CLEC2A: variants seen among roughly 807,000 people sequenced by gnomAD.
CLEC2A encodes keratinocyte-associated C-type lectin.
CLEC2A carries 19 observed loss-of-function variants against 18.6 expected under a neutral mutation model. That is an observed-to-expected ratio of 1.02 (90% CI 0.71 to 1.50). CLEC2A has a LOEUF of 1.50. CLEC2A is among the 40% of genes most tolerant of loss of function. The pLI is 0.00. For synonymous variants in CLEC2A, 74 were observed against 64.0 expected (o/e 1.16, Z -0.75); for missense variants, 190 against 207.9 (o/e 0.91, Z 0.53).
chr12:9,897,760 G>T (rs551579457), downstream of CLEC2A, among the ~76,000 whole-genome samples: 4 of 152,124 alleles, frequency 2.6e-5, no homozygotes, highest in East Asian at 7.7e-4. Flanking sequence ...CAAGGCCTTG[G>T]GTAGTTTCCC....
chr12:9,893,312 A>G, the CLEC2A span: 1 of 841,864 alleles, frequency 1.2e-6, no homozygotes. Flanking sequence ...CATGAAAAAA[A>G]TGCTAATGTA....
chr12:9,898,897 C>G (rs1030045201), exon 5 of CLEC2A: 1 of 714,442 alleles, frequency 1.4e-6, no homozygotes, highest in African/African-American at 1.7e-5. Context: ...AGAGCTCCCT[C>G]AGAGGCCTAT....
At chr12:9,889,761 G>A in the CLEC2A span, among the ~76,000 whole-genome samples, 3,364 of 151,890 alleles carry the variant, frequency 0.022, 121 homozygotes, top group African/African-American at 0.077. Flanking sequence ...ATACAGTGTG[G>A]AGGCAGTATA....
At chr12:9,898,525 G>A, downstream of CLEC2A, 1 of 169,012 alleles carries the variant, frequency 5.9e-6, no homozygotes, top group Non-Finnish European at 1.3e-5. Context: ...TTCTTTCCTG[G>A]CAAAACTCAT....
intron 4 of CLEC2A, among the ~76,000 whole-genome samples, chr12:9,915,325 C>T (rs1863054051): frequency 6.6e-6 from 1 of 151,838 alleles, no homozygotes; most frequent in African/African-American, 2.4e-5. Flanking sequence ...CCAGAAATAC[C>T]ATTTAACCCA....
the CLEC2A span, chr12:9,881,624 TGA>T: frequency 2.5e-4 from 381 of 1,535,476 alleles, no homozygotes; most frequent in East Asian, 7.5e-3. Flanking sequence ...TATATGACGC[TGA>T]GTTTCAAGAA....
chr12:9,898,704 TC>T (rs1862785488), exon 5 of CLEC2A: 2 of 481,820 alleles, frequency 4.2e-6, no homozygotes, highest in South Asian at 9.1e-5. Context: ...TTCTACATTA[TC>T]AAAATTTATA....
At chr12:9,889,832 G>T in the CLEC2A span, among the ~76,000 whole-genome samples, 1 of 151,964 alleles carries the variant, frequency 6.6e-6, no homozygotes, top group Non-Finnish European at 1.5e-5. Context: ...TTTCAGTTCT[G>T]ATATTTATAT....
chr12:9,912,991 T>C (rs1353293745), downstream of CLEC2A, among the ~76,000 whole-genome samples: 1 of 152,222 alleles, frequency 6.6e-6, no homozygotes, highest in Non-Finnish European at 1.5e-5. Flanking sequence ...ACTGCACTAA[T>C]GCAACAAGGC....
chr12:9,882,127 A>G, the CLEC2A span, among the ~76,000 whole-genome samples: 2 of 152,170 alleles, frequency 1.3e-5, no homozygotes, highest in African/African-American at 4.8e-5. Context: ...ACAAAAAAAC[A>G]TTAATCTTTG....
the CLEC2A span, chr12:9,893,263 T>G: frequency 8.4e-7 from 1 of 1,194,050 alleles, no homozygotes; most frequent in South Asian, 1.6e-5. Context: ...TTGTCGTTGC[T>G]TCTGAACATG....
chr12:9,910,722 G>A (rs191532088), downstream of CLEC2A, among the ~76,000 whole-genome samples: 27 of 148,726 alleles, frequency 1.8e-4, no homozygotes, highest in African/African-American at 4.7e-4. Flanking sequence ...CCTGGTTGCC[G>A]TGGTAGGTAG....
At chr12:9,908,045 A>G (rs1862929437) in intron 4 of CLEC2A, among the ~76,000 whole-genome samples, 2 of 152,202 alleles carry the variant, frequency 1.3e-5, no homozygotes. Flanking sequence ...TTGGGGTGTT[A>G]AAAGAGGACA....
intron 4 of CLEC2A, among the ~76,000 whole-genome samples, chr12:9,914,560 C>A (rs1273957518): frequency 6.6e-6 from 1 of 152,144 alleles, no homozygotes; most frequent in African/African-American, 2.4e-5. Context: ...AATAATGCCA[C>A]ACATCTACAA....
intron 4 of CLEC2A, among the ~76,000 whole-genome samples, chr12:9,901,313 A>G (rs943816118): frequency 3.9e-5 from 6 of 152,200 alleles, no homozygotes; most frequent in African/African-American, 1.4e-4. Flanking sequence ...ACCATCTTTG[A>G]AAAGGATTAA....
intron 1 of CLEC2A, among the ~76,000 whole-genome samples, chr12:9,931,603 G>T (rs1863376916): frequency 6.6e-6 from 1 of 152,134 alleles, no homozygotes; most frequent in African/African-American, 2.4e-5. Flanking sequence ...TATCCCAATT[G>T]CCCTGGGAAT....
the CLEC2A span, among the ~76,000 whole-genome samples, chr12:9,878,981 G>A: frequency 3.9e-4 from 59 of 152,062 alleles, no homozygotes; most frequent in African/African-American, 1.4e-3. Context: ...AGATGTATTG[G>A]GAGATGCTAC....
intron 1 of CLEC2A, among the ~76,000 whole-genome samples, chr12:9,928,247 C>T (rs905886808): frequency 6.6e-6 from 1 of 152,130 alleles, no homozygotes; most frequent in Non-Finnish European, 1.5e-5. Flanking sequence ...GGGTGGATCA[C>T]CTGAGGTCAG....
rs1441734477 is a variant in CLEC2A at position 9,913,359 on chromosome 12, T to C, written c.*207A>G. ...GAGGATGGAGCCATAGTAAATGTGA[T>C]TGTGCCCTTATAAAAGGCTCCAGAG... On this transcript the variant is annotated 3_prime_UTR_variant, in exon 5 of 5. Transcript: ENST00000455827. The C allele has an allele frequency of 2.4e-5, 18 of 752,002 alleles. No homozygotes were observed. Among genetic ancestry groups the C allele is most frequent in the Non-Finnish European group, 3.3e-5 (17 of 509,982 alleles). 46.6% of individuals were successfully genotyped at this position (752,002 alleles called of 1,614,324 possible).
Sources: allele counts gnomAD v4.1 joint callset (sites outside exome capture counted in the v4.1 genomes callset), GRCh38; gene constraint gnomAD v4.1.1; transcripts MANE v1.5; gene names NCBI Gene and HGNC (gene_info 2026-07-23, HGNC 2026-07-21).